The following SINHCAF variants were observed in gnomAD, a reference collection of about 807,000 sequenced individuals.
The protein encoded by SINHCAF is SIN3-HDAC complex associated factor, also known as SIN3-HDAC complex-associated factor.
Under a neutral mutation model 25.8 loss-of-function variants are expected in SINHCAF, and 3 were observed. The ratio of observed to expected loss-of-function variants is 0.12; its 90% CI spans 0.05 to 0.30. The LOEUF (loss-of-function observed/expected upper bound fraction) is 0.30. Among genes scored for constraint, SINHCAF ranks in the 10% least tolerant of loss-of-function variants. The pLI is 1.00. For missense variants in SINHCAF, 121 were observed against 262.3 expected, an observed-to-expected ratio of 0.46 and a Z score of 3.72; for synonymous variants, 70 against 85.5, an observed-to-expected ratio of 0.82 and a Z score of 1.00.
At chr12:31,303,163 C>T (rs748067645) in intron 1 of SINHCAF, 44 of 985,292 alleles carry the variant, frequency 4.5e-5, no homozygotes, top group Non-Finnish European at 5.1e-5. Flanking sequence ...TGCCTTTGCA[C>T]GTACACATTC....
chr12:31,309,207 C>T lies in SINHCAF; in HGVS notation c.-20-10983G>A, dbSNP rs756350355. On this transcript the variant is annotated intron_variant, in intron 1 of 5. Transcript: ENST00000337682. Reference sequence around the variant, plus strand: ...AGACAGGTGTATGAAGGTTAAGAAGCACTGGATATCTAGGTATTATAATAC... The same window carrying T: ...AGACAGGTGTATGAAGGTTAAGAAGTACTGGATATCTAGGTATTATAATAC... Among the ~76,000 whole-genome samples the T allele has an allele frequency of 4.6e-5, 7 of 151,256 alleles. No individual in the cohort carries two copies. In the South Asian group the frequency reaches 1.0e-3, roughly 23 times the overall value.
intron 3 of SINHCAF, among the ~76,000 whole-genome samples, chr12:31,294,197 T>A (rs1294129220): frequency 1.3e-5 from 2 of 152,220 alleles, no homozygotes; most frequent in Admixed American, 6.5e-5. Flanking sequence ...GGATAATCAT[T>A]ACTGGATGAC....
intron 1 of SINHCAF, among the ~76,000 whole-genome samples, chr12:31,308,509 G>C (rs576897757): frequency 1.8e-4 from 27 of 152,240 alleles, no homozygotes; most frequent in African/African-American, 5.3e-4. Flanking sequence ...TGTTTGACTT[G>C]AGAAAGACAA....
intron 1 of SINHCAF, among the ~76,000 whole-genome samples, chr12:31,323,386 T>C (rs1014161137): frequency 6.6e-6 from 1 of 152,148 alleles, no homozygotes; most frequent in African/African-American, 2.4e-5. Flanking sequence ...CAGCGTACTC[T>C]GAATAACAAG....
chr12:31,297,467 ATTTT>A (rs777087270), intron 2 of SINHCAF, among the ~76,000 whole-genome samples: 6 of 103,422 alleles, frequency 5.8e-5, no homozygotes, highest in East Asian at 5.4e-4. Flanking sequence ...GTCAAGCGTA[ATTTT>A]TTTTTTTTTT....
intron 1 of SINHCAF, among the ~76,000 whole-genome samples, chr12:31,316,453 A>G (rs1939499462): frequency 6.6e-6 from 1 of 152,164 alleles, no homozygotes; most frequent in Non-Finnish European, 1.5e-5. Flanking sequence ...AACTTAATGA[A>G]TCTAACCTTG....
At chr12:31,295,463 C>T in intron 2 of SINHCAF, 130 bp from the exon 3 acceptor site, 3 of 634,488 alleles carry the variant, frequency 4.7e-6, no homozygotes, top group Non-Finnish European at 8.4e-6. Context: ...CCTGGATGAT[C>T]CCATTCCATT....
intron 1 of SINHCAF, among the ~76,000 whole-genome samples, chr12:31,313,809 C>G (rs1216915161): frequency 4.6e-5 from 7 of 152,002 alleles, no homozygotes; most frequent in Non-Finnish European, 8.8e-5. Context: ...CCACCTCGCC[C>G]GGCTAATTTT....
intron 1 of SINHCAF, among the ~76,000 whole-genome samples, chr12:31,315,022 G>A (rs1258370281): frequency 6.6e-6 from 1 of 152,234 alleles, no homozygotes; most frequent in Non-Finnish European, 1.5e-5. Flanking sequence ...GTCAGGAGGT[G>A]TTCTGAATCT....
intron 1 of SINHCAF, chr12:31,302,826 G>T: frequency 3.6e-6 from 2 of 559,868 alleles, no homozygotes; most frequent in Non-Finnish European, 4.5e-6. Flanking sequence ...TCCTGCCTTT[G>T]TTCTATATCT....
intron 1 of SINHCAF, among the ~76,000 whole-genome samples, chr12:31,307,102 G>T (rs1192906506): frequency 2.6e-5 from 4 of 152,168 alleles, no homozygotes; most frequent in Admixed American, 1.3e-4. Context: ...CAGAAGACTG[G>T]CCAGGCCTGG....
intron 4 of SINHCAF, among the ~76,000 whole-genome samples, chr12:31,288,997 A>T (rs1938192766): frequency 6.6e-6 from 1 of 151,960 alleles, no homozygotes; most frequent in African/African-American, 2.4e-5. Context: ...TAAATGGAAA[A>T]TTTGTAACTG....
chr12:31,299,606 G>A (rs143861578), intron 1 of SINHCAF, among the ~76,000 whole-genome samples: 344 of 152,264 alleles, frequency 2.3e-3, no homozygotes, highest in African/African-American at 7.8e-3. Context: ...GTGAGCCACC[G>A]TGCCCGGCCA....
chr12:31,312,303 T>C (rs1407227903), intron 1 of SINHCAF, among the ~76,000 whole-genome samples: 4 of 152,210 alleles, frequency 2.6e-5, no homozygotes, highest in Admixed American at 6.5e-5. Context: ...TTTTGGGACA[T>C]TTTCAGTTTT....
chr12:31,315,812 T>C (rs1939474177), intron 1 of SINHCAF, among the ~76,000 whole-genome samples: 1 of 152,242 alleles, frequency 6.6e-6, no homozygotes, highest in African/African-American at 2.4e-5. Context: ...ACTGGCATTC[T>C]TTCTTTGACT....
chr12:31,296,443 G>C (rs1267139308), intron 2 of SINHCAF, among the ~76,000 whole-genome samples: 1 of 152,042 alleles, frequency 6.6e-6, no homozygotes, highest in Non-Finnish European at 1.5e-5. Flanking sequence ...TAGGATTACA[G>C]GTGTGAGCCA....
intron 2 of SINHCAF, among the ~76,000 whole-genome samples, chr12:31,297,600 G>A (rs568857831): frequency 6.6e-6 from 1 of 151,104 alleles, no homozygotes; most frequent in African/African-American, 2.4e-5. Flanking sequence ...AGCCTCTGGA[G>A]TAACTGGGAC....
At chr12:31,312,694 T>C (rs564618657) in intron 1 of SINHCAF, among the ~76,000 whole-genome samples, 4 of 152,306 alleles carry the variant, frequency 2.6e-5, no homozygotes, top group Admixed American at 6.5e-5. Context: ...ATATGTTTCA[T>C]AGATGTCTTT....
At chr12:31,306,501 A>AC (rs145329491) in intron 1 of SINHCAF, among the ~76,000 whole-genome samples, 1,898 of 151,136 alleles carry the variant, frequency 0.013, 20 homozygotes, top group East Asian at 0.037. Context: ...CGGGAAAAGT[A>AC]CCCCCCCCTT....
Sources: allele counts gnomAD v4.1 joint callset (sites outside exome capture counted in the v4.1 genomes callset), GRCh38; gene constraint gnomAD v4.1.1; transcripts MANE v1.5; gene names NCBI Gene and HGNC (gene_info 2026-07-23, HGNC 2026-07-21).